IFT27: variants seen among roughly 807,000 people sequenced by gnomAD.
IFT27 encodes intraflagellar transport protein 27 homolog.
IFT27 carries 19 observed loss-of-function variants against 23.9 expected under a neutral mutation model. The observed-to-expected ratio is 0.79, with a 90% CI of 0.55 to 1.16. The LOEUF (loss-of-function observed/expected upper bound fraction) is 1.16. Among genes scored for constraint, IFT27 ranks in the 50% most tolerant of loss-of-function variants. The pLI, the probability that IFT27 is intolerant of heterozygous loss-of-function variation, is 0.00. For synonymous variants in IFT27, 91 were observed against 89.1 expected (o/e 1.02, Z -0.12); for missense variants, 206 against 228.7 (o/e 0.90, Z 0.64).
chr22:36,772,710 C>T (rs1938412763), intron 1 of IFT27: 1 of 984,880 alleles, frequency 1.0e-6, no homozygotes, highest in Non-Finnish European at 1.2e-6. Context: ...GTAGTAGGTG[C>T]TCAGCGAGTA....
At chr22:36,774,272 T>C (rs558711021) in intron 1 of IFT27, among the ~76,000 whole-genome samples, 1 of 152,348 alleles carries the variant, frequency 6.6e-6, no homozygotes, top group Admixed American at 6.5e-5. Flanking sequence ...AAAAATATTA[T>C]CATTTATTCT....
chr22:36,758,466 C>T, intron 6 of IFT27, 57 bp from the exon 7 acceptor site: 3 of 1,311,344 alleles, frequency 2.3e-6, no homozygotes, highest in South Asian at 2.4e-5. Flanking sequence ...AGAGGGCCAG[C>T]TCTCACTCAA....
rs1938254837 is a variant in IFT27 at position 36,766,560 on chromosome 22, GT to G, written c.175-364del. 5 of 281,050 alleles carry G rather than the reference GT, an allele frequency of 1.8e-5. No individual in the cohort carries two copies. In the South Asian group the frequency reaches 2.3e-4, roughly 13 times the overall value. The allele number at this position is 281,050 out of a possible 1,614,324, so 17.4% of individuals were successfully genotyped here. Reference sequence around the variant, plus strand: ...TTTCCAAAAGGTCATTCTGCACTTTGTTAACCAAATTGATTTTCAAATCTTA... The same window carrying G: ...TTTCCAAAAGGTCATTCTGCACTTTGTAACCAAATTGATTTTCAAATCTTA... On this transcript the variant is annotated intron_variant, in intron 3 of 6. Transcript: ENST00000433985.
chr22:36,764,130 G>A, intron 4 of IFT27, 94 bp from the exon 5 acceptor site: 1 of 811,522 alleles, frequency 1.2e-6, no homozygotes, highest in South Asian at 1.5e-5. Flanking sequence ...AAAGGGTATG[G>A]GGAGCAGAGG....
chr22:36,767,718 C>T (rs1402401165), intron 2 of IFT27, 65 bp downstream of exon 2: 12 of 1,402,886 alleles, frequency 8.6e-6, no homozygotes, highest in Non-Finnish European at 1.1e-5. Context: ...ACTTCGAAGT[C>T]ACTCATCATG....
intron 3 of IFT27, among the ~76,000 whole-genome samples, chr22:36,766,747 C>A (rs1186993796): frequency 6.6e-6 from 1 of 152,148 alleles, no homozygotes; most frequent in South Asian, 2.1e-4. Context: ...ATGTGAGAAC[C>A]CCCAGGGCTG....
In IFT27 at chr22:36,775,820, G is replaced by A. The variant is rs1938488406; in HGVS notation, c.-113C>T. On this transcript the variant is annotated 5_prime_UTR_variant, in exon 1 of 7. Transcript: ENST00000433985. ...CTGGGACGGGAAGGTGGGGAGGGGA[G>A]GGCTGATCTCAAGGGTCAGTGGCCG... 1 of 1,069,850 alleles carries A rather than the reference G, an allele frequency of 9.3e-7. No individual in the cohort carries two copies. The highest frequency in any genetic ancestry group is 1.4e-6 in the Non-Finnish European group (1 of 693,172). 66.3% of individuals were successfully genotyped at this position (1,069,850 alleles called of 1,614,324 possible).
intron 3 of IFT27, 195 bp from the exon 4 acceptor site, chr22:36,766,392 A>G (rs1416027338): frequency 3.4e-6 from 2 of 582,934 alleles, no homozygotes; most frequent in Non-Finnish European, 6.2e-6. Context: ...AGTCTTAGAG[A>G]GGCAGTACGA....
chr22:36,769,132 C>T (rs758083500), intron 1 of IFT27, among the ~76,000 whole-genome samples: 8 of 152,168 alleles, frequency 5.3e-5, no homozygotes, highest in Non-Finnish European at 8.8e-5. Flanking sequence ...TATTCAGGTC[C>T]TGCTTTTCTA....
Position 36,768,334 on chromosome 22 carries a change from G to C in IFT27, c.35-472C>G, listed in dbSNP as rs186859243. On this transcript the variant is annotated intron_variant, in intron 1 of 6. Transcript: ENST00000433985. ...GAATACTTTTTTGTGTGGGGCGTGG[G>C]GGGTGGAAGGGTCTCTGCATTTGTG... 2.1e-5 allele frequency: 7 copies of C among 337,262 alleles called. 1 individual carries two copies. The highest frequency in any genetic ancestry group is 1.2e-4 in the South Asian group (5 of 42,506). The allele number at this position is 337,262 out of a possible 1,614,324, so 20.9% of individuals were successfully genotyped here. A position where few individuals can be genotyped will look rare whatever the true frequency, so the allele number is the denominator to read the frequency against.
At chr22:36,766,296 G>A in intron 3 of IFT27, 99 bp from the exon 4 acceptor site, 1 of 936,834 alleles carries the variant, frequency 1.1e-6, no homozygotes, top group Non-Finnish European at 1.7e-6. Flanking sequence ...TCTTAGGGGT[G>A]AAATACAGGC....
At chr22:36,771,218 A>G (rs1213995111) in intron 1 of IFT27, among the ~76,000 whole-genome samples, 1 of 152,120 alleles carries the variant, frequency 6.6e-6, no homozygotes, top group African/African-American at 2.4e-5. Flanking sequence ...CTGCTTCCCC[A>G]GCCCAAGAGG....
Position 36,767,814 on chromosome 22 carries a change from T to A in IFT27, c.83A>T (p.Asp28Val). 6.2e-7 allele frequency: 1 copy of A among 1,614,182 alleles called. No homozygotes were observed. Among genetic ancestry groups the A allele is most frequent in the Non-Finnish European group, 8.5e-7 (1 of 1,180,022 alleles). The stretch of plus-strand genomic sequence containing the variant: ...GTAGCTTTTCTGGAAATGGGCTCCA[T>A]CACTGCGGAAGATCTGTGCCAGGGC... ...KTALAQIFRS[D>V]GAHFQKSYTL... Residue 28 changes from aspartate to valine, a missense_variant, in exon 2 of 7, where the codon GAT becomes GTT. Transcript: ENST00000433985.
In IFT27 at chr22:36,767,270, G is replaced by A. The variant is rs777685896; in HGVS notation, c.174+36C>T. 14 of 1,578,822 alleles carry A rather than the reference G, an allele frequency of 8.9e-6. No homozygotes were observed. The South Asian group carries it at 1.4e-4, about 16-fold the overall frequency. On this transcript the variant is annotated intron_variant, in intron 3 of 6. Transcript: ENST00000433985. ...ACAGAGACCCTGGGCCCAGCTGGGGGAGCCCTGAGTTCCCCTGGGTAAAGG... is the reference window on the plus strand; with the variant it reads ...ACAGAGACCCTGGGCCCAGCTGGGGAAGCCCTGAGTTCCCCTGGGTAAAGG...
intron 3 of IFT27, chr22:36,766,942 C>A: frequency 3.7e-5 from 4 of 107,122 alleles, no homozygotes; most frequent in Non-Finnish European, 4.1e-5. Context: ...TTTTTTTTTT[C>A]TCGCAGACCT....
chr22:36,763,818 A>C, intron 5 of IFT27, 101 bp downstream of exon 5: 1 of 876,232 alleles, frequency 1.1e-6, no homozygotes, highest in Non-Finnish European at 1.9e-6. Context: ...GTCCAAGCCC[A>C]GGGCCCCTTC....
At chr22:36,763,351 G>A in intron 5 of IFT27, 1 of 265,090 alleles carries the variant, frequency 3.8e-6, no homozygotes, top group South Asian at 7.7e-5. Flanking sequence ...TGAGCACACG[G>A]AGCAAACTGT....
chr22:36,766,245 C>G, intron 3 of IFT27, 48 bp from the exon 4 acceptor site: 2 of 1,494,528 alleles, frequency 1.3e-6, no homozygotes, highest in Non-Finnish European at 1.9e-6. Flanking sequence ...AAACCACAAG[C>G]TACGAGTCAC....
At chr22:36,767,162 C>A in intron 3 of IFT27, 144 bp downstream of exon 3, 1 of 610,394 alleles carries the variant, frequency 1.6e-6, no homozygotes, top group East Asian at 3.1e-5. Context: ...CCCTTGAATG[C>A]TTCCCGATTC....
Sources: gnomAD v4.1 joint callset for allele counts (sites outside exome capture counted in the v4.1 genomes callset) on GRCh38, gnomAD v4.1.1 for gene constraint, MANE v1.5 for transcripts, NCBI Gene and HGNC (gene_info 2026-07-23, HGNC 2026-07-21) for gene names.